Variants in WWOX observed in about 807,000 individuals in gnomAD.
WWOX encodes WW domain containing oxidoreductase, also known as WW domain-containing oxidoreductase.
WWOX carries 69 observed loss-of-function variants against 46.2 expected under a neutral mutation model. That is an observed-to-expected ratio of 1.49 (90% CI 1.23 to 1.82). The LOEUF (loss-of-function observed/expected upper bound fraction) is 1.82. Ranked by LOEUF, WWOX falls within the 40% of genes most tolerant of loss-of-function variation. The pLI, the probability that WWOX is intolerant of heterozygous loss-of-function variation, is 0.00. For synonymous variants in WWOX, 359 were observed against 202.6 expected (o/e 1.77, Z -6.56); for missense variants, 919 against 542.6 (o/e 1.69, Z -6.89).
intron 8 of WWOX, among the ~76,000 whole-genome samples, chr16:78,440,419 C>G (rs563053777): frequency 6.6e-6 from 1 of 152,208 alleles, no homozygotes; most frequent in East Asian, 1.9e-4. Context: ...GAACAGCACA[C>G]GTCAAGGAAG....
rs150224268 is a variant in WWOX at position 78,388,769 on chromosome 16, A to C, written c.605+1821A>C. Among the ~76,000 whole-genome samples the C allele has an allele frequency of 2.2e-4, 34 of 151,572 alleles. No homozygotes were observed. The East Asian group carries it at 6.7e-3, about 30-fold the overall frequency. ...CGGATCACCTGAAGTCAGGAGTTCG[A>C]GACCAGCCTGGGCAACAAGGTAAAA... On this transcript the variant is annotated intron_variant, in intron 6 of 8. Transcript: ENST00000566780.
intron 8 of WWOX, among the ~76,000 whole-genome samples, chr16:78,591,628 C>G (rs1836583011): frequency 6.6e-6 from 1 of 152,174 alleles, no homozygotes; most frequent in Non-Finnish European, 1.5e-5. Context: ...TGCTTGAGTT[C>G]TCTGAGTCTC....
chr16:78,249,621 G>A (rs774894797), intron 5 of WWOX, among the ~76,000 whole-genome samples: 12 of 152,260 alleles, frequency 7.9e-5, no homozygotes, highest in Non-Finnish European at 1.3e-4. Context: ...TCTGGAACTT[G>A]GGCTACCCAA....
At chr16:78,611,155 C>G (rs960048546) in intron 8 of WWOX, among the ~76,000 whole-genome samples, 1 of 152,076 alleles carries the variant, frequency 6.6e-6, no homozygotes, top group African/African-American at 2.4e-5. Context: ...CTTATTGAAA[C>G]GACTGAAATA....
At chr16:78,803,875 C>T (rs2293902) in intron 8 of WWOX, among the ~76,000 whole-genome samples, 16,328 of 152,156 alleles carry the variant, frequency 0.11, 1,145 homozygotes, top group Non-Finnish European at 0.15. Flanking sequence ...AGTACTGCTT[C>T]GTTTCTCCCA....
rs181829410 is a variant in WWOX, at chr16:78,743,799, A to G, written c.1056+311047A>G. 2.4e-3 allele frequency among the ~76,000 whole-genome samples: 363 copies of G among 152,244 alleles called. 4 individuals carry two copies. The highest frequency in any genetic ancestry group is 2.7e-3 in the Non-Finnish European group (181 of 68,010). Reference sequence around the variant, plus strand: ...GGAGTGTAACTTCTTTCCACAACCAATCTGACTGATTGTGGGCCATTACTT... The same window carrying G: ...GGAGTGTAACTTCTTTCCACAACCAGTCTGACTGATTGTGGGCCATTACTT... On this transcript the variant is annotated intron_variant, in intron 8 of 8. Coordinates refer to ENST00000566780, the MANE Select transcript of WWOX (RefSeq NM_016373.4).
chr16:78,197,824 G>A (rs888412972), intron 5 of WWOX, among the ~76,000 whole-genome samples: 6 of 152,160 alleles, frequency 3.9e-5, no homozygotes, highest in Admixed American at 6.5e-5. Flanking sequence ...CCGAGGCCAC[G>A]CTGCTGATAC....
intron 8 of WWOX, among the ~76,000 whole-genome samples, chr16:78,604,654 A>G (rs992650546): frequency 6.1e-5 from 9 of 147,874 alleles, no homozygotes; most frequent in African/African-American, 2.0e-4. Context: ...TTTAAAAAAG[A>G]TTCCTTCCTT....
At chr16:78,433,835 G>A (rs1235222908) in intron 8 of WWOX, among the ~76,000 whole-genome samples, 2 of 137,196 alleles carry the variant, frequency 1.5e-5, no homozygotes, top group Admixed American at 1.6e-4. Flanking sequence ...TGTCGCCCAG[G>A]CTGGAGTGCA....
At chr16:78,905,686 A>C (rs959487598) in intron 8 of WWOX, among the ~76,000 whole-genome samples, 2 of 152,176 alleles carry the variant, frequency 1.3e-5, no homozygotes, top group African/African-American at 4.8e-5. Flanking sequence ...CCCAGCCAGA[A>C]TCCTTCCATT....
chr16:79,181,665 G>A (rs1175700903), intron 8 of WWOX, among the ~76,000 whole-genome samples: 1 of 152,042 alleles, frequency 6.6e-6, no homozygotes, highest in African/African-American at 2.4e-5. Flanking sequence ...TCTTTGCTTT[G>A]ATAAATAATG....
chr16:78,966,381 T>G (rs1458640913), intron 8 of WWOX, among the ~76,000 whole-genome samples: 1 of 152,200 alleles, frequency 6.6e-6, no homozygotes, highest in South Asian at 2.1e-4. Flanking sequence ...ATATTTGTAA[T>G]CATACTGTCT....
chr16:78,597,024 C>G (rs1450910544), intron 8 of WWOX, among the ~76,000 whole-genome samples: 3 of 152,188 alleles, frequency 2.0e-5, no homozygotes, highest in African/African-American at 4.8e-5. Context: ...CGATCCCCTC[C>G]CAATCTCATT....
intron 6 of WWOX, among the ~76,000 whole-genome samples, chr16:78,405,548 C>T (rs1051732372): frequency 6.6e-6 from 1 of 152,180 alleles, no homozygotes; most frequent in Non-Finnish European, 1.5e-5. Flanking sequence ...TCAGGACATT[C>T]TCTACCAGAC....
chr16:78,624,362 G>A (rs879784414), intron 8 of WWOX, among the ~76,000 whole-genome samples: 1 of 152,062 alleles, frequency 6.6e-6, no homozygotes, highest in African/African-American at 2.4e-5. Flanking sequence ...TTGTCTGGAT[G>A]TTCCTTTTAT....
intron 8 of WWOX, among the ~76,000 whole-genome samples, chr16:79,126,096 C>G (rs1163449096): frequency 6.6e-6 from 1 of 152,082 alleles, no homozygotes; most frequent in Non-Finnish European, 1.5e-5. Context: ...ATAATGTGCC[C>G]TGGAGTTTCA....
intron 8 of WWOX, among the ~76,000 whole-genome samples, chr16:78,632,557 A>ACTTTTTTT: frequency 1.3e-5 from 1 of 74,748 alleles, no homozygotes; most frequent in African/African-American, 5.6e-5. Context: ...TACTTGGCCA[A>ACTTTTTTT]TTTTTTTTTT....
intron 8 of WWOX, chr16:78,896,006 A>G (rs2044692949): frequency 6.6e-6 from 1 of 152,186 alleles, no homozygotes; most frequent in South Asian, 2.1e-4. Flanking sequence ...TGAGAAATGA[A>G]CAGTTCTCAA....
intron 5 of WWOX, among the ~76,000 whole-genome samples, chr16:78,335,880 C>T (rs916611846): frequency 6.6e-6 from 1 of 152,008 alleles, no homozygotes; most frequent in African/African-American, 2.4e-5. Flanking sequence ...TCGCTTGAGG[C>T]CAGGAGTTTG....
Sources: gnomAD v4.1 joint callset for allele counts (sites outside exome capture counted in the v4.1 genomes callset) on GRCh38, gnomAD v4.1.1 for gene constraint, MANE v1.5 for transcripts, NCBI Gene and HGNC (gene_info 2026-07-23, HGNC 2026-07-21) for gene names.